The following CCDC85A variants were observed in gnomAD, a reference collection of about 807,000 sequenced individuals.
CCDC85A encodes the protein coiled-coil domain containing 85A.
Under a neutral mutation model 50.2 loss-of-function variants are expected in CCDC85A, and 38 were observed. The observed-to-expected ratio is 0.76, with a 90% CI of 0.58 to 0.99. The LOEUF is 0.99. Among genes scored for constraint, CCDC85A ranks in the 50% least tolerant of loss-of-function variants. The pLI, the probability that CCDC85A is intolerant of heterozygous loss-of-function variation, is 0.00. For missense variants in CCDC85A, 820 were observed against 742.0 expected (o/e 1.11, Z -1.22); for synonymous variants, 366 against 301.4 (o/e 1.21, Z -2.22).
At chr2:56,375,758 T>A (rs1457172445) in intron 4 of CCDC85A, 58 bp from the exon 5 acceptor site, 3 of 1,558,208 alleles carry the variant, frequency 1.9e-6, no homozygotes, top group Non-Finnish European at 2.6e-6. Flanking sequence ...TTGAATGACA[T>A]CTTTGTAGTT....
chr2:56,215,074 C>G (rs1322958251), intron 2 of CCDC85A, among the ~76,000 whole-genome samples: 1 of 151,910 alleles, frequency 6.6e-6, no homozygotes, highest in Non-Finnish European at 1.5e-5. Context: ...TAGTTTAGCA[C>G]ATATAGACCA....
At chr2:56,234,825 G>C (rs1668935263) in intron 2 of CCDC85A, among the ~76,000 whole-genome samples, 1 of 151,954 alleles carries the variant, frequency 6.6e-6, no homozygotes, top group Non-Finnish European at 1.5e-5. Context: ...CTGATTTTAG[G>C]GAAGACACTA....
chr2:56,364,158 C>G (rs1179798646), intron 3 of CCDC85A, among the ~76,000 whole-genome samples: 28 of 151,954 alleles, frequency 1.8e-4, no homozygotes, highest in Non-Finnish European at 4.1e-4. Flanking sequence ...TTTTTTCAAC[C>G]AGGCCTTCAA....
chr2:56,279,558 A>T lies in CCDC85A; in HGVS notation c.1241-63321A>T, dbSNP rs144018707. Among the ~76,000 whole-genome samples the T allele has an allele frequency of 3.1e-3, 466 of 152,272 alleles. 6 individuals carry two copies. The highest frequency in any genetic ancestry group is 0.011 in the African/African-American group (443 of 41,550). On this transcript the variant is annotated intron_variant, in intron 2 of 5. Transcript: ENST00000407595. ...TTTAACTGTAATTATATATCCTTTG[A>T]TCAACATCTCCTTCCTCTGCTCTAA...
intron 2 of CCDC85A, among the ~76,000 whole-genome samples, chr2:56,298,648 C>T (rs1043997276): frequency 7.2e-5 from 11 of 152,084 alleles, no homozygotes; most frequent in Non-Finnish European, 1.0e-4. Flanking sequence ...AAAACTTTTT[C>T]TAGGATAACT....
intron 3 of CCDC85A, among the ~76,000 whole-genome samples, chr2:56,357,655 CT>C (rs67738219): frequency 1.9e-4 from 22 of 114,602 alleles, no homozygotes; most frequent in South Asian, 2.9e-4. Context: ...TGTCCATTTC[CT>C]TTTTTTTTTT....
intron 2 of CCDC85A, among the ~76,000 whole-genome samples, chr2:56,328,979 C>T (rs1673620607): frequency 6.6e-6 from 1 of 152,246 alleles, no homozygotes; most frequent in South Asian, 2.1e-4. Flanking sequence ...TACACCACAT[C>T]CGCCCTTCCT....
chr2:56,348,174 A>G (rs1057419452), intron 3 of CCDC85A, among the ~76,000 whole-genome samples: 1 of 152,182 alleles, frequency 6.6e-6, no homozygotes, highest in Admixed American at 6.5e-5. Flanking sequence ...TAAAAGTCCT[A>G]TTAGGAAATT....
chr2:56,358,910 A>C (rs1675375712), intron 3 of CCDC85A, among the ~76,000 whole-genome samples: 2 of 149,570 alleles, frequency 1.3e-5, no homozygotes, highest in Non-Finnish European at 3.0e-5. Flanking sequence ...TCAGCCTCCC[A>C]TGTAGCTGGG....
chr2:56,353,700 C>T lies in CCDC85A; in HGVS notation c.1317+10745C>T, dbSNP rs968918103. On this transcript the variant is annotated intron_variant, in intron 3 of 5. Coordinates refer to ENST00000407595, the MANE Select transcript of CCDC85A (RefSeq NM_001080433.2). Reference sequence around the variant, plus strand: ...GTCATCGCCCAGTGAATGCAGAGCTCTTTGCACTGCCATGTTCTCTATGAT... The same window carrying T: ...GTCATCGCCCAGTGAATGCAGAGCTTTTTGCACTGCCATGTTCTCTATGAT... 2.0e-5 allele frequency among the ~76,000 whole-genome samples: 3 copies of T among 152,232 alleles called. No individual in the cohort carries two copies. In the East Asian group the frequency reaches 5.8e-4, roughly 29 times the overall value.
intron 2 of CCDC85A, among the ~76,000 whole-genome samples, chr2:56,279,697 A>G (rs1671119983): frequency 6.6e-6 from 1 of 152,158 alleles, no homozygotes. Flanking sequence ...TGCCTGGGTT[A>G]TTTCACTTAC....
chr2:56,309,719 G>A (rs750232714), intron 2 of CCDC85A, among the ~76,000 whole-genome samples: 1 of 152,126 alleles, frequency 6.6e-6, no homozygotes, highest in Non-Finnish European at 1.5e-5. Context: ...GTATCCCAAT[G>A]TAAAAGGTTG....
intron 2 of CCDC85A, among the ~76,000 whole-genome samples, chr2:56,195,364 T>A (rs1451292778): frequency 6.6e-6 from 1 of 152,170 alleles, no homozygotes; most frequent in African/African-American, 2.4e-5. Context: ...TCTTAAAATT[T>A]AACACTATAA....
rs1239211320 is a variant in CCDC85A at position 56,193,119 on chromosome 2, A to G, written c.919A>G (p.Lys307Glu). 1 of 1,613,696 alleles carries G rather than the reference A, an allele frequency of 6.2e-7. No individual in the cohort carries two copies. Among genetic ancestry groups the G allele is most frequent in the East Asian group, 2.2e-5 (1 of 44,838 alleles). ...HPGSSPETLP[K>E]HVLSGSPEHF... ...AGGGAGCAGCCCCGAAACGCTGCCC[A>G]AGCACGTGCTGAGTGGGAGCCCGGA... The change falls in exon 2 of 6, where the codon AAG becomes GAG. Residue 307 changes from lysine to glutamate, a missense_variant. By Grantham distance (56) the Lys-to-Glu change is moderately conservative (BLOSUM62 1). Coordinates refer to ENST00000407595, the MANE Select transcript of CCDC85A (RefSeq NM_001080433.2).
chr2:56,330,653 C>T (rs1293734413), intron 2 of CCDC85A, among the ~76,000 whole-genome samples: 1 of 152,168 alleles, frequency 6.6e-6, no homozygotes, highest in African/African-American at 2.4e-5. Flanking sequence ...GAAGCTGAAA[C>T]CACCAGGTAC....
At chr2:56,320,249 A>G (rs1014907510) in intron 2 of CCDC85A, among the ~76,000 whole-genome samples, 2 of 152,138 alleles carry the variant, frequency 1.3e-5, no homozygotes, top group African/African-American at 4.8e-5. Flanking sequence ...AAGAGCAAAC[A>G]CATTCAAAAG....
At chr2:56,328,702 G>A (rs11677428) in intron 2 of CCDC85A, among the ~76,000 whole-genome samples, 14,935 of 152,116 alleles carry the variant, frequency 0.098, 933 homozygotes, top group East Asian at 0.32. Context: ...ATATAGCGAT[G>A]ATCTTTGATT....
At chr2:56,340,590 G>C (rs1165729801) in intron 2 of CCDC85A, among the ~76,000 whole-genome samples, 1 of 152,056 alleles carries the variant, frequency 6.6e-6, no homozygotes, top group Non-Finnish European at 1.5e-5. Flanking sequence ...AAAAGCTTTA[G>C]AATGGCTGTG....
chr2:56,296,209 G>A (rs1248051935), intron 2 of CCDC85A, among the ~76,000 whole-genome samples: 1 of 152,070 alleles, frequency 6.6e-6, no homozygotes, highest in Non-Finnish European at 1.5e-5. Context: ...ATATGTGTTT[G>A]ATGGCCTGGG....
Sources: allele counts gnomAD v4.1 joint callset (sites outside exome capture counted in the v4.1 genomes callset), GRCh38; gene constraint gnomAD v4.1.1; transcripts MANE v1.5; gene names NCBI Gene and HGNC (gene_info 2026-07-23, HGNC 2026-07-21).